SLC45A2: variants seen among roughly 807,000 people sequenced by gnomAD.
SLC45A2 encodes the protein solute carrier family 45 member 2.
SLC45A2 carries 36 observed loss-of-function variants against 45.5 expected under a neutral mutation model. That is an observed-to-expected ratio of 0.79 (90% CI 0.61 to 1.04). The LOEUF (loss-of-function observed/expected upper bound fraction) is 1.04, where lower values mean the gene tolerates loss of function less well. SLC45A2 is among the 50% of genes least tolerant of loss of function. SLC45A2 has a pLI of 0.00. For missense variants in SLC45A2, 719 were observed against 671.0 expected (o/e 1.07, Z -0.79); for synonymous variants, 306 against 269.3 (o/e 1.14, Z -1.33).
chr5:33,954,361 C>A lies in SLC45A2; in HGVS notation c.1032G>T (p.Gln344His), dbSNP rs794727645. 2.0e-5 allele frequency: 32 copies of A among 1,613,876 alleles called. No individual in the cohort carries two copies. Among genetic ancestry groups the A allele is most frequent in the Non-Finnish European group, 2.7e-5 (32 of 1,179,970 alleles). The change falls in exon 4 of 7, where the codon CAG becomes CAT. Residue 344 changes from glutamine to histidine, a missense_variant and splice_region_variant. Gln to His is a conservative substitution (Grantham distance 24). Transcript: ENST00000296589. ...NMLFFTDFMG[Q>H]IVYRGDPYSA... ...TTGTGTGCACAGACACGTTCATTAC[C>A]TGGCCCATGAAATCTGTGAAGAACA... is the stretch of plus-strand genomic sequence containing the variant.
intron 1 of SLC45A2, among the ~76,000 whole-genome samples, chr5:33,983,356 A>G (rs1298440991): frequency 6.6e-6 from 1 of 152,262 alleles, no homozygotes; most frequent in Non-Finnish European, 1.5e-5. Flanking sequence ...TATAAAATTA[A>G]ATGAACAATA....
At chr5:33,973,952 T>C (rs1752855182) in intron 2 of SLC45A2, among the ~76,000 whole-genome samples, 1 of 151,832 alleles carries the variant, frequency 6.6e-6, no homozygotes, top group East Asian at 1.9e-4. Context: ...TACTCTGCAG[T>C]GAATAGGAGG....
intron 2 of SLC45A2, among the ~76,000 whole-genome samples, chr5:33,965,540 T>C (rs1200271379): frequency 1.3e-5 from 2 of 152,174 alleles, no homozygotes; most frequent in Non-Finnish European, 2.9e-5. Flanking sequence ...AAGTAAGACA[T>C]ATAGTCTCTG....
intron 2 of SLC45A2, among the ~76,000 whole-genome samples, chr5:33,964,571 G>A (rs767669702): frequency 7.2e-5 from 11 of 152,084 alleles, no homozygotes; most frequent in Non-Finnish European, 1.5e-4. Context: ...GAAGCTCAAG[G>A]TACTTGTTCC....
chr5:33,948,964 G>GCC (rs1752017310), intron 5 of SLC45A2, among the ~76,000 whole-genome samples: 1 of 152,204 alleles, frequency 6.6e-6, no homozygotes, highest in Non-Finnish European at 1.5e-5. Context: ...CCTCTGATGG[G>GCC]TCTGATACCC....
intron 5 of SLC45A2, among the ~76,000 whole-genome samples, chr5:33,948,113 A>T (rs1751992615): frequency 6.6e-6 from 1 of 152,184 alleles, no homozygotes; most frequent in Non-Finnish European, 1.5e-5. Context: ...GGATCAAGTG[A>T]GATGAAGTGT....
At chr5:33,946,968 G>C in intron 6 of SLC45A2, 195 bp downstream of exon 6, 1 of 1,517,604 alleles carries the variant, frequency 6.6e-7, no homozygotes, top group Non-Finnish European at 8.8e-7. Flanking sequence ...GAATAAGGAG[G>C]ACAGGACAGC....
At chr5:33,963,034 G>C (rs958214166) in intron 3 of SLC45A2, among the ~76,000 whole-genome samples, 7 of 152,198 alleles carry the variant, frequency 4.6e-5, no homozygotes, top group African/African-American at 1.4e-4. Context: ...TGGGGCCTTT[G>C]AGCATTTGAA....
At chr5:33,960,048 C>T (rs922053292) in intron 3 of SLC45A2, among the ~76,000 whole-genome samples, 6 of 151,876 alleles carry the variant, frequency 4.0e-5, no homozygotes, top group African/African-American at 9.7e-5. Context: ...TTTTGTAAAC[C>T]GCTTAGCTAA....
Position 33,984,504 on chromosome 5 carries a change from G to A in SLC45A2, c.80C>T (p.Pro27Leu). The change falls in exon 1 of 7, where the codon CCG becomes CTG. Residue 27 changes from proline (P) to leucine (L), a missense_variant. Transcript: ENST00000296589. The part of the protein sequence containing the change: ...ADDGPFDSVE[P>L]PKRPTSRLIM... ...GAGTCTGCTGGTGGGTCTTTTAGGC[G>A]GCTCCACAGAGTCAAAGGGGCCATC... The A allele has an allele frequency of 6.2e-6, 10 of 1,613,176 alleles. No homozygotes were observed. The highest frequency in any genetic ancestry group is 6.8e-6 in the Non-Finnish European group (8 of 1,180,028).
chr5:33,969,856 A>C (rs1287970677), intron 2 of SLC45A2, among the ~76,000 whole-genome samples: 2 of 152,214 alleles, frequency 1.3e-5, no homozygotes, highest in Non-Finnish European at 2.9e-5. Flanking sequence ...CCATGGAGGC[A>C]GTAAGAATCC....
chr5:33,948,694 C>T (rs1752010005), intron 5 of SLC45A2, among the ~76,000 whole-genome samples: 1 of 152,160 alleles, frequency 6.6e-6, no homozygotes, highest in African/African-American at 2.4e-5. Context: ...GAGAATAAAG[C>T]TAGAACAGTT....
At chr5:33,953,714 A>T (rs1430792632) in intron 4 of SLC45A2, among the ~76,000 whole-genome samples, 1 of 119,902 alleles carries the variant, frequency 8.3e-6, no homozygotes. Flanking sequence ...TAACAATATT[A>T]ACTTTAAATA....
Position 33,947,386 on chromosome 5 carries a change from A to G in SLC45A2, c.1157-12T>C. On this transcript the variant is annotated splice_polypyrimidine_tract_variant and intron_variant, in intron 5 of 6. Coordinates refer to ENST00000296589, the MANE Select transcript of SLC45A2 (RefSeq NM_016180.5). ...AACTTTCTGAAAGTCTGTGGGAAGA[A>G]GAGAGGGAGAAATTACAGCTGGCAG... 1 of 1,611,628 alleles carries G rather than the reference A, an allele frequency of 6.2e-7. No homozygotes were observed. Among genetic ancestry groups the G allele is most frequent in the African/African-American group, 1.3e-5 (1 of 75,020 alleles).
At chr5:33,983,735 C>T (rs529197365) in intron 1 of SLC45A2, among the ~76,000 whole-genome samples, 26 of 152,298 alleles carry the variant, frequency 1.7e-4, no homozygotes, top group African/African-American at 6.3e-4. Flanking sequence ...TGGGCTTATG[C>T]CCTACGCCTA....
At chr5:33,955,678 G>T (rs1333260758) in intron 3 of SLC45A2, among the ~76,000 whole-genome samples, 9 of 151,572 alleles carry the variant, frequency 5.9e-5, no homozygotes, top group Non-Finnish European at 1.2e-4. Context: ...CACACACACG[G>T]TCTTCAATAT....
chr5:33,965,971 G>T (rs1477690968), intron 2 of SLC45A2, among the ~76,000 whole-genome samples: 1 of 152,158 alleles, frequency 6.6e-6, no homozygotes, highest in Non-Finnish European at 1.5e-5. Context: ...TTTGTAAACA[G>T]ATCAAGGGTT....
intron 2 of SLC45A2, chr5:33,971,321 A>G: frequency 1.9e-6 from 1 of 515,554 alleles, no homozygotes; most frequent in Non-Finnish European, 3.9e-6. Flanking sequence ...AAACCCAGTT[A>G]TTCCAACTTG....
chr5:33,944,998 T>C (rs1055120898), intron 6 of SLC45A2, 126 bp from the exon 7 acceptor site: 3 of 862,744 alleles, frequency 3.5e-6, no homozygotes, highest in Non-Finnish European at 5.6e-6. Context: ...TATACAGCCC[T>C]GGTCATAACT....
Sources: allele counts gnomAD v4.1 joint callset (sites outside exome capture counted in the v4.1 genomes callset), GRCh38; gene constraint gnomAD v4.1.1; transcripts MANE v1.5; gene names NCBI Gene and HGNC (gene_info 2026-07-23, HGNC 2026-07-21).